PPP2R2B: variants seen among roughly 807,000 people sequenced by gnomAD.
PPP2R2B encodes protein phosphatase 2 regulatory subunit Bbeta.
A neutral mutation model predicts 46.0 loss-of-function variants in PPP2R2B; 5 were observed. The ratio of observed to expected loss-of-function variants is 0.11; its 90% CI spans 0.06 to 0.23. The LOEUF (loss-of-function observed/expected upper bound fraction) is 0.23, where lower values mean the gene tolerates loss of function less well. Ranked by LOEUF, PPP2R2B falls within the 10% of genes least tolerant of loss-of-function variation. The pLI, the probability that PPP2R2B is intolerant of heterozygous loss-of-function variation, is 1.00. For synonymous variants in PPP2R2B, 215 were observed against 206.7 expected (o/e 1.04, Z -0.34); for missense variants, 367 against 575.0 (o/e 0.64, Z 3.70).
At chr5:146,837,957 A>G (rs1245797512) in intron 2 of PPP2R2B, among the ~76,000 whole-genome samples, 1 of 152,290 alleles carries the variant, frequency 6.6e-6, no homozygotes, top group East Asian at 1.9e-4. Context: ...TTTGTTCCCT[A>G]GCACCATGAC....
intron 2 of PPP2R2B, 106 bp from the exon 3 acceptor site, chr5:146,701,248 C>G (rs1280457220): frequency 2.0e-6 from 2 of 1,015,966 alleles, no homozygotes; most frequent in South Asian, 2.5e-5. Flanking sequence ...GGCTTTGTCT[C>G]TGCAGTGGAA....
intron 2 of PPP2R2B, among the ~76,000 whole-genome samples, chr5:146,748,976 G>A (rs1561876751): frequency 6.6e-6 from 1 of 152,160 alleles, no homozygotes. Flanking sequence ...AAATTGCCAA[G>A]TTGTTTTCCA....
chr5:146,754,251 C>T (rs1753717399), intron 2 of PPP2R2B, among the ~76,000 whole-genome samples: 1 of 152,120 alleles, frequency 6.6e-6, no homozygotes, highest in Admixed American at 6.5e-5. Flanking sequence ...GAAATCCTGG[C>T]ACATGTGCTG....
chr5:146,692,756 G>A (rs922213570), intron 4 of PPP2R2B, among the ~76,000 whole-genome samples: 2 of 151,682 alleles, frequency 1.3e-5, no homozygotes, highest in Admixed American at 6.6e-5. Flanking sequence ...GGATGGTCTC[G>A]ATCTCCTGAC....
chr5:146,922,585 A>G (rs1191058440), intron 1 of PPP2R2B: 2 of 152,238 alleles, frequency 1.3e-5, no homozygotes, highest in African/African-American at 4.8e-5. Context: ...ACAATAGTCA[A>G]TGTTTCCTAA....
At chr5:146,910,672 C>T (rs1280962555) in intron 1 of PPP2R2B, among the ~76,000 whole-genome samples, 4 of 152,272 alleles carry the variant, frequency 2.6e-5, no homozygotes, top group East Asian at 1.9e-4. Context: ...TTAATAAATG[C>T]TCCATGATGT....
chr5:146,785,419 A>G (rs1023686540), intron 2 of PPP2R2B, among the ~76,000 whole-genome samples: 5 of 152,100 alleles, frequency 3.3e-5, no homozygotes, highest in Non-Finnish European at 5.9e-5. Context: ...ATGGTAGTGC[A>G]CACCTGTAAT....
At chr5:146,744,153 A>G (rs991039154) in intron 2 of PPP2R2B, among the ~76,000 whole-genome samples, 1 of 152,242 alleles carries the variant, frequency 6.6e-6, no homozygotes, top group Non-Finnish European at 1.5e-5. Flanking sequence ...ATATTTAAAA[A>G]TCTGAAATAA....
chr5:147,063,040 AGGAAGAGAAGGGAAG>A (rs996845597), intron 2 of PPP2R2B, among the ~76,000 whole-genome samples: 6 of 148,162 alleles, frequency 4.0e-5, no homozygotes, highest in Admixed American at 2.7e-4. Context: ...GAGAAAAGGA[AGGAAGAGAAGGGAAG>A]GGAAGAGAAG....
At chr5:147,023,052 A>T (rs1755359669) in intron 1 of PPP2R2B, among the ~76,000 whole-genome samples, 1 of 152,116 alleles carries the variant, frequency 6.6e-6, no homozygotes, top group Non-Finnish European at 1.5e-5. Flanking sequence ...CTCATTTTTA[A>T]TTTTTTTAAA....
chr5:146,860,093 C>T (rs1227907010), intron 2 of PPP2R2B, among the ~76,000 whole-genome samples: 1 of 152,150 alleles, frequency 6.6e-6, no homozygotes, highest in Non-Finnish European at 1.5e-5. Flanking sequence ...ATGGTTTCCT[C>T]TCAAGGTATC....
chr5:146,620,064 G>T (rs1773543349), intron 7 of PPP2R2B, among the ~76,000 whole-genome samples: 1 of 152,154 alleles, frequency 6.6e-6, no homozygotes, highest in Non-Finnish European at 1.5e-5. Flanking sequence ...TCTATATTAT[G>T]GCTGAGGAAA....
chr5:146,926,779 G>C (rs1484199883), intron 1 of PPP2R2B, among the ~76,000 whole-genome samples: 1 of 152,094 alleles, frequency 6.6e-6, no homozygotes, highest in African/African-American at 2.4e-5. Flanking sequence ...CATGCATTGA[G>C]ACTTTGGGTA....
chr5:146,914,279 A>C (rs1363370433), intron 1 of PPP2R2B: 1 of 152,190 alleles, frequency 6.6e-6, no homozygotes, highest in Non-Finnish European at 1.5e-5. Flanking sequence ...AGCAAGATGA[A>C]ATGCAAAATA....
At chr5:146,730,955 T>C (rs1338338580) in intron 2 of PPP2R2B, among the ~76,000 whole-genome samples, 1 of 152,176 alleles carries the variant, frequency 6.6e-6, no homozygotes, top group African/African-American at 2.4e-5. Flanking sequence ...AAGAAACCGA[T>C]GAGGCCTTCG....
At chr5:147,010,197 T>A (rs1284592164) in intron 1 of PPP2R2B, among the ~76,000 whole-genome samples, 1 of 152,120 alleles carries the variant, frequency 6.6e-6, no homozygotes, top group Non-Finnish European at 1.5e-5. Context: ...AAATAACAGT[T>A]GTTACTGAGT....
At chr5:146,645,376 A>G (rs1415519399) in intron 6 of PPP2R2B, among the ~76,000 whole-genome samples, 4 of 152,220 alleles carry the variant, frequency 2.6e-5, no homozygotes, top group South Asian at 2.1e-4. Context: ...AAAAAAGTCA[A>G]TGTGTAAATA....
chr5:146,831,928 G>A (rs1758966952), intron 2 of PPP2R2B, among the ~76,000 whole-genome samples: 1 of 152,180 alleles, frequency 6.6e-6, no homozygotes, highest in African/African-American at 2.4e-5. Context: ...ATGTGGAGGT[G>A]GAAGACAGTG....
chr5:146,976,718 T>C (rs767801855), intron 1 of PPP2R2B, among the ~76,000 whole-genome samples: 1 of 152,244 alleles, frequency 6.6e-6, no homozygotes, highest in South Asian at 2.1e-4. Context: ...TATGGATTTA[T>C]TTAATGTAGG....
Sources: gnomAD v4.1 joint callset for allele counts (sites outside exome capture counted in the v4.1 genomes callset) on GRCh38, gnomAD v4.1.1 for gene constraint, MANE v1.5 for transcripts, NCBI Gene and HGNC (gene_info 2026-07-23, HGNC 2026-07-21) for gene names.